Variants in KRT72 observed in about 807,000 individuals in gnomAD.
KRT72 encodes the protein keratin 72.
In KRT72, 44 loss-of-function variants were observed where a neutral mutation model predicts 44.7. The observed-to-expected ratio is 0.98, with a 90% confidence interval of 0.77 to 1.27. The LOEUF (loss-of-function observed/expected upper bound fraction) is 1.27. KRT72 is among the 50% of genes most tolerant of loss of function. The probability of loss-of-function intolerance (pLI) is 0.00; values close to 1 mark genes in which losing one functional copy is unlikely to be tolerated. For synonymous variants in KRT72, 302 were observed against 280.4 expected, an observed-to-expected ratio of 1.08 and a Z score of -0.77; for missense variants, 736 against 667.1, an observed-to-expected ratio of 1.10 and a Z score of -1.14.
At chr12:52,600,120 C>A (rs1417692219) in intron 1 of KRT72, among the ~76,000 whole-genome samples, 1 of 152,068 alleles carries the variant, frequency 6.6e-6, no homozygotes, top group Non-Finnish European at 1.5e-5. Flanking sequence ...TCTGGATGCC[C>A]CACCCTCAGC....
At chr12:52,599,721 T>G (rs1215609149) in intron 1 of KRT72, among the ~76,000 whole-genome samples, 1 of 152,154 alleles carries the variant, frequency 6.6e-6, no homozygotes, top group Non-Finnish European at 1.5e-5. Flanking sequence ...AGCAAGAGAA[T>G]GCTCTGGCCT....
intron 3 of KRT72, 113 bp downstream of exon 3, chr12:52,592,779 C>A (rs1268773928): frequency 1.1e-6 from 1 of 875,936 alleles, no homozygotes; most frequent in Non-Finnish European, 1.8e-6. Flanking sequence ...GTGCCAGTCA[C>A]CCCTGCCCAA....
At chr12:52,594,460 G>A (rs2120777281) in intron 2 of KRT72, among the ~76,000 whole-genome samples, 1 of 152,302 alleles carries the variant, frequency 6.6e-6, no homozygotes, top group Middle Eastern at 3.4e-3. Flanking sequence ...TCCTTTGTAG[G>A]GACATGGATG....
At chr12:52,592,778 A>C in intron 3 of KRT72, 114 bp downstream of exon 3, 1 of 851,046 alleles carries the variant, frequency 1.2e-6, no homozygotes. Flanking sequence ...AGTGCCAGTC[A>C]CCCCTGCCCA....
chr12:52,599,270 C>A (rs752218723), intron 1 of KRT72, 158 bp from the exon 2 acceptor site: 1 of 712,310 alleles, frequency 1.4e-6, no homozygotes, highest in Middle Eastern at 2.3e-4. Flanking sequence ...GACATGCTCA[C>A]CTGGATCTCC....
At chr12:52,588,893 G>T (rs1592223075) in intron 6 of KRT72, among the ~76,000 whole-genome samples, 1 of 152,036 alleles carries the variant, frequency 6.6e-6, no homozygotes, top group African/African-American at 2.4e-5. Flanking sequence ...CCAGCTACTC[G>T]AGAGGCTGAG....
intron 1 of KRT72, chr12:52,599,507 C>T: frequency 2.2e-6 from 1 of 455,284 alleles, no homozygotes; most frequent in Non-Finnish European, 4.4e-6. Context: ...GTTGTGTAGC[C>T]TAAATTGCAC....
chr12:52,602,875 G>A (rs145916183), upstream of KRT72, among the ~76,000 whole-genome samples: 7 of 152,304 alleles, frequency 4.6e-5, no homozygotes, highest in African/African-American at 1.4e-4. Context: ...AATAACAGCC[G>A]AAGCGTTTAC....
In KRT72 at chr12:52,585,978, T is replaced by A. The variant is rs1026281766; in HGVS notation, c.*4A>T. The A allele has an allele frequency of 1.9e-6, 3 of 1,611,022 alleles. No individual in the cohort carries two copies. The highest frequency in any genetic ancestry group is 1.7e-6 in the Non-Finnish European group (2 of 1,178,192). On this transcript the variant is annotated 3_prime_UTR_variant, in exon 9 of 9. Transcript: ENST00000293745. ...TTCTGCTCACAGAGCCAACCACTTGTCCATCATCTGGAGGCCTTTTTGGTG... is the reference window on the plus strand; with the variant it reads ...TTCTGCTCACAGAGCCAACCACTTGACCATCATCTGGAGGCCTTTTTGGTG...
chr12:52,599,768 T>C (rs770482207), intron 1 of KRT72, among the ~76,000 whole-genome samples: 1 of 152,166 alleles, frequency 6.6e-6, no homozygotes, highest in African/African-American at 2.4e-5. Context: ...TGCAGACCTG[T>C]GCCCTCCCGC....
chr12:52,589,519 C>T (rs974131794), intron 6 of KRT72, among the ~76,000 whole-genome samples: 4 of 152,194 alleles, frequency 2.6e-5, no homozygotes, highest in South Asian at 2.1e-4. Context: ...GGCAGAGGGA[C>T]ACCAAAAGCT....
intron 2 of KRT72, among the ~76,000 whole-genome samples, chr12:52,593,565 G>T (rs1051780010): frequency 3.3e-5 from 5 of 152,138 alleles, no homozygotes; most frequent in African/African-American, 1.2e-4. Flanking sequence ...CTCAAAGAAT[G>T]CATTACAGGA....
intron 7 of KRT72, 79 bp downstream of exon 7, chr12:52,587,552 G>A: frequency 6.7e-7 from 1 of 1,483,216 alleles, no homozygotes; most frequent in South Asian, 1.2e-5. Flanking sequence ...ACCTAAACAG[G>A]ACCAAACTGT....
intron 1 of KRT72, chr12:52,599,345 G>T: frequency 3.3e-6 from 2 of 600,538 alleles, no homozygotes; most frequent in Middle Eastern, 2.6e-4. Flanking sequence ...GGTACCATCT[G>T]CCTCTGCCTC....
Position 52,601,347 on chromosome 12 carries a change from C to A in KRT72, c.106G>T (p.Ala36Ser). Residue 36 changes from alanine to serine, a missense_variant, in exon 1 of 9, where the codon GCC becomes TCC. Transcript: ENST00000293745. ...AAGGAGGCCGAGCCCTTGACCCGGG[C>A]CCGGAATGAGGCGGAGCTGCTGCCG... ...GIGSSSASFR[A>S]RVKGSASFGS... 1 of 1,544,908 alleles carries A rather than the reference C, an allele frequency of 6.5e-7. No individual in the cohort carries two copies. The highest frequency in any genetic ancestry group is 8.7e-7 in the Non-Finnish European group (1 of 1,146,836).
chr12:52,591,585 A>T lies in KRT72; in HGVS notation c.842T>A (p.Val281Asp). ...ATCCCGGTTGTTGTCCATTGACAGG[A>T]CGATGGACGTGTCGCTGATGTGGGA... ...IQSHISDTSIVLSMDNNRDLD... is the reference protein window; with the variant it reads ...IQSHISDTSIDLSMDNNRDLD... The change falls in exon 5 of 9, where the codon GTC becomes GAC. Residue 281 changes from valine (V) to aspartate (D), a missense_variant. Val to Asp is a radical substitution (Grantham distance 152, BLOSUM62 -3). Transcript: ENST00000293745. 1.2e-6 allele frequency: 2 copies of T among 1,613,776 alleles called. No individual in the cohort carries two copies. Among genetic ancestry groups the T allele is most frequent in the East Asian group, 4.5e-5 (2 of 44,862 alleles).
intron 4 of KRT72, 106 bp from the exon 5 acceptor site, chr12:52,591,734 G>A (rs1199689120): frequency 5.3e-6 from 6 of 1,141,980 alleles, no homozygotes; most frequent in Non-Finnish European, 7.6e-6. Flanking sequence ...CCTTTCCTCA[G>A]CGTTTGAACT....
intron 2 of KRT72, among the ~76,000 whole-genome samples, chr12:52,593,401 T>C (rs1265980937): frequency 6.6e-6 from 1 of 152,250 alleles, no homozygotes; most frequent in African/African-American, 2.4e-5. Flanking sequence ...TATACATATT[T>C]CTGTTCCAGG....
chr12:52,589,019 A>G (rs912656488), intron 6 of KRT72, among the ~76,000 whole-genome samples: 2 of 148,174 alleles, frequency 1.3e-5, no homozygotes, highest in African/African-American at 5.0e-5. Flanking sequence ...TATATATATT[A>G]ATTAATTAAT....
Sources: gnomAD v4.1 joint callset for allele counts (sites outside exome capture counted in the v4.1 genomes callset) on GRCh38, gnomAD v4.1.1 for gene constraint, MANE v1.5 for transcripts, NCBI Gene and HGNC (gene_info 2026-07-23, HGNC 2026-07-21) for gene names.